Variants in GRM8 observed in about 807,000 individuals in gnomAD.
GRM8 encodes glutamate metabotropic receptor 8.
In GRM8, 47 loss-of-function variants were observed where a neutral mutation model predicts 87.2. The observed-to-expected ratio is 0.54, with a 90% CI of 0.43 to 0.69. GRM8 has a LOEUF of 0.69. Ranked by LOEUF, GRM8 falls within the 30% of genes least tolerant of loss-of-function variation. The pLI is 0.00. For synonymous variants in GRM8, 396 were observed against 404.5 expected, an observed-to-expected ratio of 0.98 and a Z score of 0.25; for missense variants, 1,019 against 1,139.2, an observed-to-expected ratio of 0.89 and a Z score of 1.52.
chr7:126,909,236 T>C (rs1378396020), intron 3 of GRM8, among the ~76,000 whole-genome samples: 12 of 152,342 alleles, frequency 7.9e-5, no homozygotes, highest in Non-Finnish European at 1.6e-4. Flanking sequence ...TCCTATGACT[T>C]CATAAGAGGA....
chr7:126,445,966 T>G, intron 10 of GRM8, 160 bp downstream of exon 10: 5 of 809,338 alleles, frequency 6.2e-6, no homozygotes, highest in South Asian at 4.9e-5. Context: ...GACCATTTGC[T>G]TCGAATGGTT....
intron 3 of GRM8, among the ~76,000 whole-genome samples, chr7:127,100,515 T>C (rs1825134831): frequency 6.6e-6 from 1 of 152,184 alleles, no homozygotes; most frequent in South Asian, 2.1e-4. Context: ...CTAACAAAGA[T>C]ATACCCAAGA....
At chr7:127,196,695 A>G (rs1350317884) in intron 2 of GRM8, among the ~76,000 whole-genome samples, 1 of 152,200 alleles carries the variant, frequency 6.6e-6, no homozygotes, top group Non-Finnish European at 1.5e-5. Context: ...TAAAGGCAAT[A>G]AAGCAGAGCC....
At chr7:126,532,169 C>T (rs1457248192) in intron 9 of GRM8, among the ~76,000 whole-genome samples, 2 of 152,194 alleles carry the variant, frequency 1.3e-5, no homozygotes, top group African/African-American at 4.8e-5. Context: ...TATTCTTTAC[C>T]AGCAGTATTT....
At chr7:126,999,128 C>A (rs1477850123) in intron 3 of GRM8, among the ~76,000 whole-genome samples, 1 of 151,552 alleles carries the variant, frequency 6.6e-6, no homozygotes, top group Non-Finnish European at 1.5e-5. Context: ...CTGCCAAGAA[C>A]ATATATTGGA....
At chr7:127,091,643 C>G (rs149470502) in intron 3 of GRM8, among the ~76,000 whole-genome samples, 121 of 124,260 alleles carry the variant, frequency 9.7e-4, no homozygotes, top group Middle Eastern at 5.0e-3. Context: ...CCCCGTCCCA[C>G]TTATGACCCA....
In GRM8 at chr7:126,682,078, C is replaced by T. The variant is rs75662504; in HGVS notation, c.1358-72580G>A. 4.6e-3 allele frequency among the ~76,000 whole-genome samples: 693 copies of T among 152,280 alleles called. 10 individuals carry two copies. The highest frequency in any genetic ancestry group is 0.042 in the South Asian group (201 of 4,826). On this transcript the variant is annotated intron_variant, in intron 7 of 10. Transcript: ENST00000339582. ...AAACTAAACTAGATAAATGTATATA[C>T]CCTTAGTAGTTCCCAAAGCATTTCT...
At chr7:126,534,017 G>GT (rs1462714033) in intron 8 of GRM8, 130 bp from the exon 9 acceptor site, 38 of 685,048 alleles carry the variant, frequency 5.5e-5, no homozygotes, top group South Asian at 8.0e-5. Flanking sequence ...TAAGAGTCTC[G>GT]TTTTTTTTCC....
chr7:126,573,905 T>C (rs1259427559), intron 8 of GRM8, among the ~76,000 whole-genome samples: 1 of 152,176 alleles, frequency 6.6e-6, no homozygotes, highest in East Asian at 1.9e-4. Context: ...CAACCTTTCT[T>C]ATCACATTCT....
At chr7:126,640,651 T>C (rs533776787) in intron 7 of GRM8, among the ~76,000 whole-genome samples, 6 of 152,154 alleles carry the variant, frequency 3.9e-5, no homozygotes, top group Admixed American at 3.9e-4. Context: ...TAAAGCTGTC[T>C]GGTTGGATTT....
chr7:126,950,033 T>C (rs1204564), intron 3 of GRM8, among the ~76,000 whole-genome samples: 134,779 of 152,234 alleles, frequency 0.89, 60,052 homozygotes, highest in East Asian at 1. Context: ...ACATCACAAA[T>C]AAGGCCTGAA....
chr7:126,745,409 A>ATATTATATTATATTAT (rs1396916303), intron 7 of GRM8, among the ~76,000 whole-genome samples: 2 of 150,270 alleles, frequency 1.3e-5, no homozygotes, highest in African/African-American at 2.4e-5. Context: ...ATATTATATT[A>ATATTATATTATATTAT]TATTATACTT....
At chr7:126,765,175 A>G (rs1818056890) in intron 7 of GRM8, among the ~76,000 whole-genome samples, 1 of 152,142 alleles carries the variant, frequency 6.6e-6, no homozygotes, top group Non-Finnish European at 1.5e-5. Context: ...AACCCTGGAA[A>G]TGGAGATCCT....
At chr7:126,524,669 T>C (rs1813552867) in intron 9 of GRM8, among the ~76,000 whole-genome samples, 1 of 152,188 alleles carries the variant, frequency 6.6e-6, no homozygotes, top group Non-Finnish European at 1.5e-5. Flanking sequence ...ATGCTCAACA[T>C]GTCTTAATTT....
intron 2 of GRM8, among the ~76,000 whole-genome samples, chr7:127,205,765 T>C (rs535995686): frequency 1.3e-5 from 2 of 152,206 alleles, no homozygotes; most frequent in Non-Finnish European, 2.9e-5. Context: ...AACTTTCACA[T>C]GGTCTTTCAC....
At chr7:127,071,211 A>G (rs1444108531) in intron 3 of GRM8, among the ~76,000 whole-genome samples, 1 of 152,142 alleles carries the variant, frequency 6.6e-6, no homozygotes. Context: ...TGGCTGGGGA[A>G]AAAAAATACC....
intron 8 of GRM8, among the ~76,000 whole-genome samples, chr7:126,606,190 C>A (rs1798324187): frequency 6.6e-6 from 1 of 152,154 alleles, no homozygotes; most frequent in African/African-American, 2.4e-5. Flanking sequence ...GGACAGTCAG[C>A]ATTTTAAATG....
At chr7:126,671,126 C>T (rs184011452) in intron 7 of GRM8, among the ~76,000 whole-genome samples, 70 of 152,250 alleles carry the variant, frequency 4.6e-4, no homozygotes, top group African/African-American at 1.6e-3. Flanking sequence ...GGGAAACTGG[C>T]CTCATACCCT....
chr7:126,560,869 G>A (rs563816804), intron 8 of GRM8, among the ~76,000 whole-genome samples: 2 of 152,204 alleles, frequency 1.3e-5, no homozygotes, highest in African/African-American at 4.8e-5. Context: ...ACACATAAAT[G>A]ATAATCCTTT....
Sources: gnomAD v4.1 joint callset for allele counts (sites outside exome capture counted in the v4.1 genomes callset) on GRCh38, gnomAD v4.1.1 for gene constraint, MANE v1.5 for transcripts, NCBI Gene and HGNC (gene_info 2026-07-23, HGNC 2026-07-21) for gene names.